FBLIM1: variants seen among roughly 807,000 people sequenced by gnomAD.
The protein encoded by FBLIM1 is filamin binding LIM protein 1, also known as filamin-binding LIM protein 1.
Under a neutral mutation model 37.4 loss-of-function variants are expected in FBLIM1, and 29 were observed. That is an observed-to-expected ratio of 0.77 (90% CI 0.58 to 1.06). The LOEUF is 1.06. Ranked by LOEUF, FBLIM1 falls within the 50% of genes least tolerant of loss-of-function variation. The probability of loss-of-function intolerance (pLI) is 0.00; values close to 1 mark genes in which losing one functional copy is unlikely to be tolerated. For synonymous variants in FBLIM1, 193 were observed against 199.0 expected (o/e 0.97, Z 0.25); for missense variants, 449 against 505.6 (o/e 0.89, Z 1.07).
At position 15,765,774 on chromosome 1, in the gene FBLIM1, G is replaced by A. The variant is rs776391783; in HGVS notation, c.250+541G>A. On this transcript the variant is annotated intron_variant, in intron 3 of 8. Coordinates refer to ENST00000375766, the MANE Select transcript of FBLIM1 (RefSeq NM_017556.4). The surrounding 1 kb of genome is among the most constrained non-coding windows in gnomAD (Gnocchi z 5.9). ...TGTCCTCTCAGAGTCATCCTCGAGC[G>A]GGTCCAGGACCCCCTTTCTGCCCAC... Among the ~76,000 whole-genome samples the A allele has an allele frequency of 1.4e-4, 22 of 152,152 alleles. No homozygotes were observed. The highest frequency in any genetic ancestry group is 2.8e-4 in the Non-Finnish European group (19 of 68,020).
intron 6 of FBLIM1, among the ~76,000 whole-genome samples, chr1:15,773,706 A>G (rs184502906): frequency 1.3e-5 from 2 of 150,494 alleles, no homozygotes; most frequent in East Asian, 3.9e-4. Flanking sequence ...AAAAAGGTAG[A>G]TCTCATGTTA....
intron 8 of FBLIM1, among the ~76,000 whole-genome samples, chr1:15,783,085 C>A (rs1296134213): frequency 6.6e-6 from 1 of 152,086 alleles, no homozygotes; most frequent in Non-Finnish European, 1.5e-5. Flanking sequence ...TGAGCCACTG[C>A]GCCTGGCCCC....
intron 6 of FBLIM1, among the ~76,000 whole-genome samples, chr1:15,773,854 G>A (rs1347122434): frequency 6.6e-6 from 1 of 150,478 alleles, no homozygotes; most frequent in Non-Finnish European, 1.5e-5. Flanking sequence ...CCCAAAATGT[G>A]TGAGGAAGCC....
chr1:15,774,605 G>C lies in FBLIM1; in HGVS notation c.712-13G>C, dbSNP rs1475079693. On this transcript the variant is annotated splice_polypyrimidine_tract_variant and intron_variant, in intron 6 of 8. Coordinates refer to ENST00000375766, the MANE Select transcript of FBLIM1 (RefSeq NM_017556.4). ...TGTGTCGTGGATGGTTCTGGCAGTGGCCTCTGTCCTAGGACACACTGGAGA... is the reference window on the plus strand; with the variant it reads ...TGTGTCGTGGATGGTTCTGGCAGTGCCCTCTGTCCTAGGACACACTGGAGA... The C allele has an allele frequency of 5.0e-6, 8 of 1,604,352 alleles. No homozygotes were observed. The highest frequency in any genetic ancestry group is 4.0e-5 in the African/African-American group (3 of 74,922).
chr1:15,763,497 G>A (rs914195066), intron 1 of FBLIM1, among the ~76,000 whole-genome samples: 3 of 150,868 alleles, frequency 2.0e-5, no homozygotes, highest in Non-Finnish European at 4.4e-5. Context: ...TTAGCCGGGC[G>A]TGGTGGCGGG....
intron 5 of FBLIM1, among the ~76,000 whole-genome samples, chr1:15,769,434 G>A (rs910619550): frequency 6.6e-6 from 1 of 151,382 alleles, no homozygotes; most frequent in Non-Finnish European, 1.5e-5. Context: ...CTGAGATTGC[G>A]CCACTGCTCT....
At position 15,767,471 on chromosome 1, in the gene FBLIM1, C is replaced by A; in HGVS notation, c.346C>A (p.Pro116Thr). The A allele has an allele frequency of 2.3e-6, 3 of 1,321,308 alleles. No homozygotes were observed. Among genetic ancestry groups the A allele is most frequent in the East Asian group, 1.1e-4 (2 of 18,230 alleles). 81.8% of individuals were successfully genotyped at this position (1,321,308 alleles called of 1,614,324 possible). The part of the protein sequence containing the change: ...PPPPPPPVLL[P>T]SEEEAPAPMG... ...TCCACCGCCCCCTCCAGTGCTTCTG[C>A]CTTCTGAAGAGGAGGCTCCTGCTCC... The change falls in exon 4 of 9, where the codon CCT becomes ACT. Residue 116 changes from proline to threonine, a missense_variant. By Grantham distance (38) the Pro-to-Thr change is conservative. Transcript: ENST00000375766.
rs767546555 is a variant in FBLIM1 at position 15,774,726 on chromosome 1, C to T, written c.820C>T (p.Arg274Trp). 94 of 1,613,972 alleles carry T rather than the reference C, an allele frequency of 5.8e-5. 1 individual carries two copies. Among genetic ancestry groups the T allele is most frequent in the South Asian group, 5.4e-4 (49 of 91,090 alleles). Reference protein sequence around the residue: ...PSCFTCVTCARCIGDESFALG... With the variant: ...PSCFTCVTCAWCIGDESFALG... ...CTGCTTCACGTGTGTGACCTGCGCC[C>T]GGTGCATTGGGGATGAGAGCTTTGC... Residue 274 changes from arginine (R) to tryptophan (W), a missense_variant, in exon 7 of 9, where the codon CGG (arginine) becomes TGG (tryptophan). Arg to Trp is a moderately radical substitution (Grantham distance 101). Transcript: ENST00000375766.
intron 1 of FBLIM1, among the ~76,000 whole-genome samples, chr1:15,760,477 C>T (rs2068616189): frequency 7.1e-6 from 1 of 140,582 alleles, no homozygotes; most frequent in East Asian, 2.1e-4. Context: ...TTTCAGTGAG[C>T]TGAGATTGCG....
At chr1:15,757,543 C>CGACAAGAGGGACTACAGG (rs2068472541), upstream of FBLIM1, among the ~76,000 whole-genome samples, 1 of 151,874 alleles carries the variant, frequency 6.6e-6, no homozygotes, top group South Asian at 2.1e-4. This position sits in a 1 kb window ranked among gnomAD's most constrained non-coding sequence, Gnocchi z 4.1. Flanking sequence ...ATGGGAGGGG[C>CGACAAGAGGGACTACAGG]GATGATCAGT....
At chr1:15,766,774 G>C (rs537288568) in intron 3 of FBLIM1, among the ~76,000 whole-genome samples, 1 of 151,316 alleles carries the variant, frequency 6.6e-6, no homozygotes, top group Non-Finnish European at 1.5e-5. Flanking sequence ...TGTGTTTTTC[G>C]TAGAGATGGG....
intron 7 of FBLIM1, 132 bp downstream of exon 7, chr1:15,774,928 A>G (rs1371729466): frequency 6.4e-7 from 1 of 1,565,084 alleles, no homozygotes; most frequent in African/African-American, 1.4e-5. Context: ...AAAGAATATT[A>G]CAGGGCTGGG....
rs575640846 is a variant in FBLIM1, at chr1:15,770,591, G to A, written c.711+13G>A. 1.2e-6 allele frequency: 2 copies of A among 1,612,364 alleles called. No individual in the cohort carries two copies. Among genetic ancestry groups the A allele is most frequent in the Admixed American group, 1.7e-5 (1 of 59,976 alleles). ...ACCCTGCTACCAGGTAACCCCTGCAGCAGACCTCTGGGTGCCAGGCAGTGA... is the reference window on the plus strand; with the variant it reads ...ACCCTGCTACCAGGTAACCCCTGCAACAGACCTCTGGGTGCCAGGCAGTGA... On this transcript the variant is annotated intron_variant, in intron 6 of 8. Coordinates refer to ENST00000375766, the MANE Select transcript of FBLIM1 (RefSeq NM_017556.4).
chr1:15,764,695 G>A lies in FBLIM1; in HGVS notation c.-21+10G>A. ...GGAAGAGTGATCATTGGTGAGGGCT[G>A]CCCTTTGCTCCCCTAGGTGTGCAGG... On this transcript the variant is annotated intron_variant, in intron 2 of 8. Transcript: ENST00000375766. 2.1e-6 allele frequency: 1 copy of A among 468,166 alleles called. No homozygotes were observed. Among genetic ancestry groups the A allele is most frequent in the Non-Finnish European group, 3.8e-6 (1 of 263,582 alleles). The allele number at this position is 468,166 out of a possible 1,614,324, so 29.0% of individuals were successfully genotyped here. A position where few individuals can be genotyped will look rare whatever the true frequency, so the allele number is the denominator to read the frequency against.
At chr1:15,757,170 A>G (rs1192244064), upstream of FBLIM1, among the ~76,000 whole-genome samples, 1 of 152,184 alleles carries the variant, frequency 6.6e-6, no homozygotes, top group African/African-American at 2.4e-5. This position sits in a 1 kb window ranked among gnomAD's most constrained non-coding sequence, Gnocchi z 4.1. Context: ...CTTGAGTCCC[A>G]GCCTCGCCCT....
At chr1:15,776,924 G>T (rs1031413523) in intron 7 of FBLIM1, 1 of 429,342 alleles carries the variant, frequency 2.3e-6, no homozygotes, top group Non-Finnish European at 4.1e-6. Flanking sequence ...AGATGAGATG[G>T]GTCCCAGCCC....
rs1244363522 is a variant in FBLIM1 at position 15,774,695 on chromosome 1, C to G, written c.789C>G (p.His263Gln). The G allele has an allele frequency of 1.2e-6, 2 of 1,614,108 alleles. No homozygotes were observed. The highest frequency in any genetic ancestry group is 1.7e-6 in the Non-Finnish European group (2 of 1,179,988). ...HIIRALGQAF[H>Q]PSCFTCVTCA... is the part of the protein sequence containing the mutation. ...TCAGGGCCCTGGGCCAGGCCTTCCACCCCTCCTGCTTCACGTGTGTGACCT... is the reference window on the plus strand; with the variant it reads ...TCAGGGCCCTGGGCCAGGCCTTCCAGCCCTCCTGCTTCACGTGTGTGACCT... The change falls in exon 7 of 9, where the codon CAC becomes CAG. Residue 263 changes from histidine to glutamine, a missense_variant. By Grantham distance (24) the His-to-Gln change is conservative. Coordinates refer to ENST00000375766, the MANE Select transcript of FBLIM1 (RefSeq NM_017556.4).
Position 15,786,289 on chromosome 1 carries a change from A to C in FBLIM1, c.*1628A>C, listed in dbSNP as rs982881580. On this transcript the variant is annotated 3_prime_UTR_variant, in exon 9 of 9. Transcript: ENST00000375766. ...TCACACGCTCCCACGAGAATGCCAC[A>C]GGGGCCGTGCACTGGGCAGGCTTCT... 2 of 152,158 alleles carry C rather than the reference A, an allele frequency of 1.3e-5. No homozygotes were observed. Among genetic ancestry groups the C allele is most frequent in the African/African-American group, 4.8e-5 (2 of 41,440 alleles). The allele number at this position is 152,158 out of a possible 1,614,324, so 9.4% of individuals were successfully genotyped here. A position where few individuals can be genotyped will look rare whatever the true frequency, so the allele number is the denominator to read the frequency against.
intron 7 of FBLIM1, among the ~76,000 whole-genome samples, chr1:15,776,015 A>G (rs1453288850): frequency 1.3e-5 from 2 of 152,172 alleles, no homozygotes; most frequent in Admixed American, 6.6e-5. Flanking sequence ...GGAACAGGCA[A>G]AAGGTCAGAG....
Sources: gnomAD v4.1 joint callset for allele counts (sites outside exome capture counted in the v4.1 genomes callset) on GRCh38, gnomAD v4.1.1 for gene constraint, Gnocchi (gnomAD v3.1) non-coding constraint, MANE v1.5 for transcripts, NCBI Gene and HGNC (gene_info 2026-07-23, HGNC 2026-07-21) for gene names.